Variants in WWOX observed in about 807,000 individuals in gnomAD.
WWOX encodes WW domain containing oxidoreductase, also known as WW domain-containing oxidoreductase.
WWOX carries 69 observed loss-of-function variants against 46.2 expected under a neutral mutation model. That is an observed-to-expected ratio of 1.49 (90% CI 1.23 to 1.82). WWOX has a LOEUF of 1.82. Ranked by LOEUF, WWOX falls within the 40% of genes most tolerant of loss-of-function variation. The pLI is 0.00. For missense variants in WWOX, 919 were observed against 542.6 expected (o/e 1.69, Z -6.89); for synonymous variants, 359 against 202.6 (o/e 1.77, Z -6.56).
At chr16:79,137,773 C>T (rs950049206) in intron 8 of WWOX, among the ~76,000 whole-genome samples, 1 of 152,112 alleles carries the variant, frequency 6.6e-6, no homozygotes, top group East Asian at 1.9e-4. Context: ...CTCTGTGTTC[C>T]TCCCCTTCTT....
chr16:78,561,727 G>A (rs2044442348), intron 8 of WWOX, among the ~76,000 whole-genome samples: 1 of 152,186 alleles, frequency 6.6e-6, no homozygotes, highest in East Asian at 1.9e-4. Flanking sequence ...CGCCTTATAG[G>A]GAATCAGAGG....
At chr16:79,094,243 C>CTTTT (rs746687673) in intron 8 of WWOX, among the ~76,000 whole-genome samples, 1 of 138,388 alleles carries the variant, frequency 7.2e-6, no homozygotes, top group Non-Finnish European at 1.6e-5. Flanking sequence ...TGAGGTTTTT[C>CTTTT]TTTTTTTTTT....
At chr16:78,160,117 T>C (rs982625901) in intron 4 of WWOX, among the ~76,000 whole-genome samples, 4 of 152,172 alleles carry the variant, frequency 2.6e-5, no homozygotes, top group Non-Finnish European at 5.9e-5. Flanking sequence ...AGGCTTAATT[T>C]GCTGGGTTAT....
At chr16:78,736,505 A>C (rs1475148086) in intron 8 of WWOX, among the ~76,000 whole-genome samples, 8 of 152,180 alleles carry the variant, frequency 5.3e-5, no homozygotes, top group Non-Finnish European at 8.8e-5. Context: ...CACATGTGAC[A>C]ACACACATAT....
chr16:78,196,132 C>G (rs1306690742), intron 5 of WWOX, among the ~76,000 whole-genome samples: 2 of 152,090 alleles, frequency 1.3e-5, no homozygotes, highest in African/African-American at 2.4e-5. Flanking sequence ...GATGGCCTGT[C>G]AAATCTTGAA....
intron 5 of WWOX, among the ~76,000 whole-genome samples, chr16:78,242,155 G>C (rs576398210): frequency 6.6e-6 from 1 of 152,146 alleles, no homozygotes; most frequent in South Asian, 2.1e-4. Context: ...TCTGCCTCGG[G>C]TAGAAATAAT....
chr16:78,515,155 C>T (rs1206211253), intron 8 of WWOX, among the ~76,000 whole-genome samples: 1 of 152,062 alleles, frequency 6.6e-6, no homozygotes, highest in Non-Finnish European at 1.5e-5. Context: ...ACCCGGGAGG[C>T]GGAGGTTACA....
intron 8 of WWOX, among the ~76,000 whole-genome samples, chr16:78,894,452 A>G (rs2044657678): frequency 6.6e-6 from 1 of 152,140 alleles, no homozygotes; most frequent in African/African-American, 2.4e-5. Flanking sequence ...TTTTTTGTCT[A>G]AATTATTGTT....
chr16:78,653,952 G>C (rs1210792716), intron 8 of WWOX, among the ~76,000 whole-genome samples: 1 of 152,196 alleles, frequency 6.6e-6, no homozygotes, highest in African/African-American at 2.4e-5. Flanking sequence ...TCACACTGCA[G>C]ATATTCTTAC....
intron 8 of WWOX, among the ~76,000 whole-genome samples, chr16:78,592,072 G>A (rs1259763276): frequency 1.3e-5 from 2 of 152,106 alleles, no homozygotes; most frequent in African/African-American, 2.4e-5. Context: ...AGGTCAATAC[G>A]TGTGGATATT....
intron 8 of WWOX, among the ~76,000 whole-genome samples, chr16:78,493,290 T>C (rs2084830727): frequency 6.6e-6 from 1 of 152,172 alleles, no homozygotes; most frequent in Non-Finnish European, 1.5e-5. Flanking sequence ...GAATCTTTAT[T>C]TAAGACAGGT....
intron 8 of WWOX, among the ~76,000 whole-genome samples, chr16:78,572,261 A>G (rs115744654): frequency 0.029 from 4,487 of 152,300 alleles, 95 homozygotes; most frequent in Non-Finnish European, 0.043. Context: ...CAGAACGTGC[A>G]TCAACACAGA....
intron 8 of WWOX, among the ~76,000 whole-genome samples, chr16:78,498,127 C>A (rs1297858033): frequency 6.9e-6 from 1 of 145,436 alleles, no homozygotes; most frequent in African/African-American, 2.5e-5. Context: ...ATGGCATGAA[C>A]ATGGGAGGTG....
intron 8 of WWOX, among the ~76,000 whole-genome samples, chr16:78,601,555 A>G (rs946865409): frequency 1.3e-5 from 2 of 152,192 alleles, no homozygotes; most frequent in African/African-American, 4.8e-5. Context: ...AGGTCTTTTT[A>G]TATAAGCACT....
intron 8 of WWOX, among the ~76,000 whole-genome samples, chr16:79,088,425 G>C (rs2048892753): frequency 2.6e-5 from 4 of 152,184 alleles, no homozygotes; most frequent in Admixed American, 2.6e-4. Flanking sequence ...CCGTAGGTCT[G>C]GCCCTGAGCC....
At chr16:79,106,062 C>G (rs992946041) in intron 8 of WWOX, 5 of 152,102 alleles carry the variant, frequency 3.3e-5, no homozygotes, top group African/African-American at 1.2e-4. Context: ...GTAATAAGTT[C>G]GAAGCCAAGT....
intron 5 of WWOX, among the ~76,000 whole-genome samples, chr16:78,381,675 G>T (rs1393776834): frequency 1.3e-5 from 2 of 152,292 alleles, no homozygotes; most frequent in East Asian, 1.9e-4. Context: ...AAAATTTTGA[G>T]AGCCATTTTA....
At chr16:78,189,582 A>G (rs184872142) in intron 5 of WWOX, among the ~76,000 whole-genome samples, 1 of 152,344 alleles carries the variant, frequency 6.6e-6, no homozygotes, top group African/African-American at 2.4e-5. Context: ...AGAAGAGATC[A>G]AGTAGTTAAC....
chr16:78,852,716 A>G (rs1322105085), intron 8 of WWOX, among the ~76,000 whole-genome samples: 1 of 152,238 alleles, frequency 6.6e-6, no homozygotes, highest in Non-Finnish European at 1.5e-5. Context: ...TACAGAGCCC[A>G]TATGCGCTGC....
Sources: allele counts gnomAD v4.1 joint callset (sites outside exome capture counted in the v4.1 genomes callset), GRCh38; gene constraint gnomAD v4.1.1; transcripts MANE v1.5; gene names NCBI Gene and HGNC (gene_info 2026-07-23, HGNC 2026-07-21).